The following CD8A variants were observed in gnomAD, a reference collection of about 807,000 sequenced individuals.
The protein encoded by CD8A is CD8 subunit alpha, also known as T-cell surface glycoprotein CD8 alpha chain.
Under a neutral mutation model 24.2 loss-of-function variants are expected in CD8A, and 25 were observed. That is an observed-to-expected ratio of 1.03 (90% CI 0.75 to 1.44). The LOEUF (loss-of-function observed/expected upper bound fraction) is 1.44, where lower values mean the gene tolerates loss of function less well. Ranked by LOEUF, CD8A falls within the 40% of genes most tolerant of loss-of-function variation. The probability of loss-of-function intolerance (pLI) is 0.00; values close to 1 mark genes in which losing one functional copy is unlikely to be tolerated. For synonymous variants in CD8A, 165 were observed against 149.9 expected, an observed-to-expected ratio of 1.10 and a Z score of -0.74; for missense variants, 360 against 319.7, an observed-to-expected ratio of 1.13 and a Z score of -0.96.
chr2:86,791,022 C>A (rs1174864047), upstream of CD8A: 1 of 726,108 alleles, frequency 1.4e-6, no homozygotes, highest in Non-Finnish European at 2.5e-6. Context: ...CGCCTTCCAG[C>A]CCGGCGAGGA....
At position 86,785,836 on chromosome 2, in the gene CD8A, G is replaced by T; in HGVS notation, c.*84C>A. 1 of 971,826 alleles carries T rather than the reference G, an allele frequency of 1.0e-6. No individual in the cohort carries two copies. The allele number at this position is 971,826 out of a possible 1,614,324, so 60.2% of individuals were successfully genotyped here. The stretch of plus-strand genomic sequence containing the variant: ...ATGAGAATGAATACACAGGGAGGAA[G>T]ACTGGAAAAAATGAAAGGGAAGGAC... On this transcript the variant is annotated 3_prime_UTR_variant, in exon 6 of 6. Transcript: ENST00000283635.
At position 86,789,640 on chromosome 2, in the gene CD8A, C is replaced by G. The variant is rs1673181666; in HGVS notation, c.514G>C (p.Val172Leu). 1 of 1,483,692 alleles carries G rather than the reference C, an allele frequency of 6.7e-7. No individual in the cohort carries two copies. Among genetic ancestry groups the G allele is most frequent in the Non-Finnish European group, 8.9e-7 (1 of 1,120,922 alleles). 91.9% of individuals were successfully genotyped at this position (1,483,692 alleles called of 1,614,324 possible). Residue 172 changes from valine (V) to leucine (L), a missense_variant and splice_region_variant, in exon 3 of 6, where the codon GTG (valine) becomes CTG (leucine). Val to Leu is a conservative substitution (Grantham distance 32). Transcript: ENST00000283635. ...EACRPAAGGAVHTRGLDFACD... is the reference protein window; with the variant it reads ...EACRPAAGGALHTRGLDFACD... ...CGCCCCGGGCCCCCGCACGCCTCACCTGCGCCCCCCGCCGCTGGCCGGCAC... is the reference window on the plus strand; with the variant it reads ...CGCCCCGGGCCCCCGCACGCCTCACGTGCGCCCCCCGCCGCTGGCCGGCAC...
intron 4 of CD8A, among the ~76,000 whole-genome samples, chr2:86,788,791 G>C (rs1435363177): frequency 1.3e-5 from 2 of 152,122 alleles, no homozygotes; most frequent in African/African-American, 4.8e-5. Flanking sequence ...TGAGAGCCGG[G>C]TAAGGGCTTC....
At chr2:86,806,197 T>C (rs1479395399) in intron 2 of CD8A, among the ~76,000 whole-genome samples, 1 of 152,166 alleles carries the variant, frequency 6.6e-6, no homozygotes, top group Non-Finnish European at 1.5e-5. Flanking sequence ...CCCGTGTGAC[T>C]TTCCGAGGGG....
At chr2:86,794,657 C>G (rs1673423211), upstream of CD8A, among the ~76,000 whole-genome samples, 1 of 152,106 alleles carries the variant, frequency 6.6e-6, no homozygotes, top group Non-Finnish European at 1.5e-5. Context: ...CTTAACTGGC[C>G]AACCCCATTT....
chr2:86,806,072 G>A (rs1428146364), intron 2 of CD8A, among the ~76,000 whole-genome samples: 3 of 152,130 alleles, frequency 2.0e-5, no homozygotes, highest in Non-Finnish European at 2.9e-5. Context: ...TTTTGCATAA[G>A]TTGGTTAATT....
At position 86,790,343 on chromosome 2, in the gene CD8A, G is replaced by T; in HGVS notation, c.388C>A (p.Pro130Thr). The T allele has an allele frequency of 6.2e-7, 1 of 1,613,408 alleles. No individual in the cohort carries two copies. Among genetic ancestry groups the T allele is most frequent in the Non-Finnish European group, 8.5e-7 (1 of 1,179,466 alleles). The change falls in exon 2 of 6, where the codon CCG (proline) becomes ACG (threonine). Residue 130 changes from proline (P) to threonine (T), a missense_variant. By Grantham distance (38) the Pro-to-Thr change is conservative (BLOSUM62 -1). Transcript: ENST00000283635. ...GCGCGCGGACCTGGCAGGAAGACCG[G>T]CACGAAGTGGCTGAAGTACATGATG... ...NSIMYFSHFV[P>T]VFLPAKPTTT...
chr2:86,791,828 G>A, upstream of CD8A: 1 of 364,420 alleles, frequency 2.7e-6, no homozygotes, highest in Non-Finnish European at 5.4e-6. Context: ...TCACGCCCTT[G>A]CACTTGCGGT....
Position 86,785,840 on chromosome 2 carries a change from G to A in CD8A, c.*80C>T. The A allele has an allele frequency of 2.9e-6, 3 of 1,032,542 alleles. No individual in the cohort carries two copies. Among genetic ancestry groups the A allele is most frequent in the Non-Finnish European group, 4.6e-6 (3 of 648,212 alleles). The allele number at this position is 1,032,542 out of a possible 1,614,324, so 64.0% of individuals were successfully genotyped here. On this transcript the variant is annotated 3_prime_UTR_variant, in exon 6 of 6. Transcript: ENST00000283635. ...GAATGAATACACAGGGAGGAAGACTGGAAAAAATGAAAGGGAAGGACTTGC... is the reference window on the plus strand; with the variant it reads ...GAATGAATACACAGGGAGGAAGACTAGAAAAAATGAAAGGGAAGGACTTGC...
intron 2 of CD8A, among the ~76,000 whole-genome samples, chr2:86,803,022 T>A (rs1391532133): frequency 6.6e-6 from 1 of 152,216 alleles, no homozygotes; most frequent in African/African-American, 2.4e-5. Flanking sequence ...TGATATATTA[T>A]TTATGTGCTA....
upstream of CD8A, among the ~76,000 whole-genome samples, chr2:86,794,754 T>C (rs2104449010): frequency 6.6e-6 from 1 of 152,258 alleles, no homozygotes; most frequent in East Asian, 1.9e-4. Flanking sequence ...TAGTAGAATG[T>C]CGGGGATCCC....
intron 2 of CD8A, among the ~76,000 whole-genome samples, chr2:86,790,007 G>C (rs1673207753): frequency 6.6e-6 from 1 of 152,200 alleles, no homozygotes; most frequent in Non-Finnish European, 1.5e-5. Context: ...CTCCCGGGCT[G>C]AACCAGCAAC....
intron 5 of CD8A, among the ~76,000 whole-genome samples, chr2:86,786,904 C>G (rs944674587): frequency 1.4e-3 from 210 of 149,078 alleles, no homozygotes; most frequent in Middle Eastern, 6.9e-3. Flanking sequence ...CCTGTAGTCC[C>G]AGCTACTTGG....
At chr2:86,791,280 G>A (rs1169355278), upstream of CD8A, 1 of 365,462 alleles carries the variant, frequency 2.7e-6, no homozygotes, top group Non-Finnish European at 5.3e-6. Flanking sequence ...CTGTCACCTT[G>A]GGACTTTTTA....
Position 86,790,361 on chromosome 2 carries a change from A to G in CD8A, c.370T>C (p.Tyr124His). The stretch of plus-strand genomic sequence containing the variant: ...AAGACCGGCACGAAGTGGCTGAAGT[A>G]CATGATGGAGTTGCTCAGGGCCGAG... ...FCSALSNSIM[Y>H]FSHFVPVFLP... The change falls in exon 2 of 6, where the codon TAC (tyrosine) becomes CAC (histidine). Residue 124 changes from tyrosine to histidine, a missense_variant. Tyr to His is a moderately conservative substitution (Grantham distance 83). Transcript: ENST00000283635. 2 of 1,614,038 alleles carry G rather than the reference A, an allele frequency of 1.2e-6. No homozygotes were observed. The highest frequency in any genetic ancestry group is 1.7e-6 in the Non-Finnish European group (2 of 1,179,984).
chr2:86,787,041 G>GAAAAA (rs1673043981), intron 5 of CD8A, among the ~76,000 whole-genome samples: 1 of 49,922 alleles, frequency 2.0e-5, no homozygotes, highest in African/African-American at 7.4e-5. Flanking sequence ...AAAAAAAAAA[G>GAAAAA]AAAAGAAAAG....
chr2:86,791,082 G>C (rs1328925374), upstream of CD8A: 7 of 696,866 alleles, frequency 1.0e-5, no homozygotes, highest in Non-Finnish European at 1.8e-5. Flanking sequence ...CAGGCAACTG[G>C]GGGCAGCTGA....
At chr2:86,788,975 T>A (rs1673139897) in intron 4 of CD8A, among the ~76,000 whole-genome samples, 1 of 152,164 alleles carries the variant, frequency 6.6e-6, no homozygotes, top group Admixed American at 6.5e-5. Flanking sequence ...TGGTTTTGAC[T>A]AACCCTCCTG....
intron 4 of CD8A, among the ~76,000 whole-genome samples, chr2:86,788,898 T>G (rs1169655928): frequency 6.6e-6 from 1 of 152,164 alleles, no homozygotes; most frequent in Non-Finnish European, 1.5e-5. Context: ...GCACCTCTCT[T>G]GCATGGGACC....
Sources: gnomAD v4.1 joint callset for allele counts (sites outside exome capture counted in the v4.1 genomes callset) on GRCh38, gnomAD v4.1.1 for gene constraint, MANE v1.5 for transcripts, NCBI Gene and HGNC (gene_info 2026-07-23, HGNC 2026-07-21) for gene names.